The following EIF4G3 variants were observed in gnomAD, a reference collection of about 807,000 sequenced individuals.
EIF4G3 encodes eIF-4-gamma 3.
EIF4G3 carries 34 observed loss-of-function variants against 186.4 expected under a neutral mutation model. The observed-to-expected ratio is 0.18, with a 90% CI of 0.14 to 0.24. The LOEUF is 0.24. Among genes scored for constraint, EIF4G3 ranks in the 10% least tolerant of loss-of-function variants. The pLI, the probability that EIF4G3 is intolerant of heterozygous loss-of-function variation, is 1.00. For missense variants in EIF4G3, 1,536 were observed against 1,948.5 expected, an observed-to-expected ratio of 0.79 and a Z score of 3.99; for synonymous variants, 673 against 679.5, an observed-to-expected ratio of 0.99 and a Z score of 0.15.
chr1:20,899,998 A>C (rs1253838022), intron 15 of EIF4G3, 55 bp from the exon 16 acceptor site: 1 of 1,527,520 alleles, frequency 6.5e-7, no homozygotes, highest in Non-Finnish European at 8.8e-7. Flanking sequence ...GTAAATATAC[A>C]TAAAAACCTA....
intron 7 of EIF4G3, 53 bp from the exon 8 acceptor site, chr1:20,982,461 A>C (rs2078500833): frequency 6.9e-7 from 1 of 1,452,340 alleles, no homozygotes; most frequent in Admixed American, 2.2e-5. Context: ...GCCAATGGAA[A>C]AGCTTACAGA....
intron 13 of EIF4G3, among the ~76,000 whole-genome samples, chr1:20,949,542 C>A (rs1018529878): frequency 2.6e-5 from 4 of 152,148 alleles, no homozygotes; most frequent in African/African-American, 9.7e-5. Flanking sequence ...CATGATGGAG[C>A]CGGGATTGGA....
chr1:20,829,413 A>G (rs1360249113), intron 30 of EIF4G3, 141 bp from the exon 31 acceptor site: 1 of 892,036 alleles, frequency 1.1e-6, no homozygotes, highest in Non-Finnish European at 1.7e-6. Context: ...GTGACTGGTA[A>G]ATACATTACC....
intron 14 of EIF4G3, 101 bp from the exon 15 acceptor site, chr1:20,905,072 G>A (rs1221266010): frequency 6.1e-6 from 5 of 818,060 alleles, no homozygotes; most frequent in Middle Eastern, 4.9e-4. Context: ...GGATAAAAGA[G>A]AACTTTACCT....
At chr1:21,082,619 C>T (rs910436441) in intron 3 of EIF4G3, among the ~76,000 whole-genome samples, 4 of 151,814 alleles carry the variant, frequency 2.6e-5, no homozygotes, top group Admixed American at 6.6e-5. Flanking sequence ...AAAGGGGAAA[C>T]CGGCAGGATG....
At chr1:21,157,933 A>C (rs751673213) in intron 2 of EIF4G3, among the ~76,000 whole-genome samples, 1 of 152,158 alleles carries the variant, frequency 6.6e-6, no homozygotes, top group Non-Finnish European at 1.5e-5. Flanking sequence ...CTGAAATACA[A>C]GGGAATAATG....
intron 13 of EIF4G3, among the ~76,000 whole-genome samples, chr1:20,943,968 TTTTTTTTGTGTG>T (rs1172491593): frequency 5.0e-4 from 6 of 11,950 alleles, no homozygotes; most frequent in Non-Finnish European, 8.9e-4. Flanking sequence ...CTTGTCTTTA[TTTTTTTTGTGTG>T]TGTGTGTGTG....
chr1:20,937,487 T>C (rs1039222244), intron 14 of EIF4G3, among the ~76,000 whole-genome samples: 8 of 152,162 alleles, frequency 5.3e-5, no homozygotes, highest in Non-Finnish European at 8.8e-5. Context: ...GGAAAATTTA[T>C]CTGGATAAGT....
At chr1:20,858,636 C>G (rs1375332778) in intron 24 of EIF4G3, among the ~76,000 whole-genome samples, 1 of 152,128 alleles carries the variant, frequency 6.6e-6, no homozygotes, top group Non-Finnish European at 1.5e-5. Flanking sequence ...CTCCCCTCTA[C>G]CATAAGATGT....
At chr1:21,105,383 T>C (rs1050362216) in intron 2 of EIF4G3, among the ~76,000 whole-genome samples, 2 of 151,874 alleles carry the variant, frequency 1.3e-5, no homozygotes, top group African/African-American at 4.8e-5. Flanking sequence ...TGAGCCGCGA[T>C]TGCGCCATTG....
At chr1:21,055,912 G>C (rs956514397) in intron 3 of EIF4G3, among the ~76,000 whole-genome samples, 1 of 152,068 alleles carries the variant, frequency 6.6e-6, no homozygotes, top group African/African-American at 2.4e-5. Flanking sequence ...AAGAGGTACT[G>C]ACATATACTA....
At chr1:20,876,222 CAAAAAAAAAAAAAAA>C (rs34150070) in intron 20 of EIF4G3, among the ~76,000 whole-genome samples, 2 of 13,998 alleles carry the variant, frequency 1.4e-4, no homozygotes, top group East Asian at 4.2e-3. Context: ...GAGCCTGTCT[CAAAAAAAAAAAAAAA>C]AAAAAAAAAA....
chr1:20,960,215 C>T (rs1026796823), intron 12 of EIF4G3, among the ~76,000 whole-genome samples: 1 of 151,472 alleles, frequency 6.6e-6, no homozygotes, highest in African/African-American at 2.4e-5. Flanking sequence ...GCCTGTAATC[C>T]CAGCACTTTG....
intron 17 of EIF4G3, 136 bp downstream of exon 17, chr1:20,895,232 A>C: frequency 9.5e-7 from 1 of 1,050,626 alleles, no homozygotes; most frequent in Non-Finnish European, 1.3e-6. Flanking sequence ...AGGGAAACAA[A>C]TTCTTAAACA....
chr1:20,986,959 ACT>A (rs2079705682), intron 7 of EIF4G3, among the ~76,000 whole-genome samples: 1 of 151,992 alleles, frequency 6.6e-6, no homozygotes, highest in African/African-American at 2.4e-5. Flanking sequence ...GAAGGTGAAA[ACT>A]CTCATTTGAG....
At chr1:21,042,465 C>A (rs2093639469) in intron 4 of EIF4G3, among the ~76,000 whole-genome samples, 1 of 152,150 alleles carries the variant, frequency 6.6e-6, no homozygotes, top group African/African-American at 2.4e-5. Flanking sequence ...TGCTGAGTCA[C>A]TGAAATTCAC....
intron 19 of EIF4G3, among the ~76,000 whole-genome samples, chr1:20,880,933 C>G (rs1217335253): frequency 6.6e-6 from 1 of 152,102 alleles, no homozygotes; most frequent in Non-Finnish European, 1.5e-5. Context: ...CCTAATAGGG[C>G]CTTTTGTTTT....
At chr1:21,157,286 C>T (rs771775015) in intron 2 of EIF4G3, among the ~76,000 whole-genome samples, 6 of 152,082 alleles carry the variant, frequency 3.9e-5, no homozygotes, top group Non-Finnish European at 5.9e-5. Context: ...ATACTACTTC[C>T]TATTCCCCTA....
chr1:20,862,258 G>A lies in EIF4G3; in HGVS notation c.3081C>T (p.Phe1027=), dbSNP rs752783720. The change falls in exon 23 of 37, where the codon TTC becomes TTT. Residue 1027 remains phenylalanine, a synonymous_variant. Transcript: ENST00000602326. ...KERKTSSRIR[F]MLQDVIDLRL... is the part of the protein sequence containing the mutation. The stretch of plus-strand genomic sequence containing the variant: ...TTAGGTCTATAACATCTTGAAGCAT[G>A]AACCGAATCCTAGATGAGGTTTTTC... 2 of 1,610,754 alleles carry A rather than the reference G, an allele frequency of 1.2e-6. No individual in the cohort carries two copies. Among genetic ancestry groups the A allele is most frequent in the East Asian group, 2.2e-5 (1 of 44,808 alleles).
Sources: allele counts gnomAD v4.1 joint callset (sites outside exome capture counted in the v4.1 genomes callset), GRCh38; gene constraint gnomAD v4.1.1; transcripts MANE v1.5; gene names NCBI Gene and HGNC (gene_info 2026-07-23, HGNC 2026-07-21).